The following ANO2 variants were observed in gnomAD, a reference collection of about 807,000 sequenced individuals.
The protein encoded by ANO2 is anoctamin 2, also known as anoctamin-2.
In ANO2, 101 loss-of-function variants were observed where a neutral mutation model predicts 124.2. That is an observed-to-expected ratio of 0.81 (90% CI 0.69 to 0.96). The LOEUF (loss-of-function observed/expected upper bound fraction) is 0.96, where lower values mean the gene tolerates loss of function less well. Ranked by LOEUF, ANO2 falls within the 40% of genes least tolerant of loss-of-function variation. The pLI, the probability that ANO2 is intolerant of heterozygous loss-of-function variation, is 0.00. For missense variants in ANO2, 1,293 were observed against 1,274.5 expected, an observed-to-expected ratio of 1.01 and a Z score of -0.22; for synonymous variants, 486 against 482.5, an observed-to-expected ratio of 1.01 and a Z score of -0.09.
chr12:5,574,963 C>T (rs1213366351), intron 23 of ANO2, among the ~76,000 whole-genome samples: 1 of 152,108 alleles, frequency 6.6e-6, no homozygotes, highest in Non-Finnish European at 1.5e-5. Context: ...TTTATTAATC[C>T]CTTTACTGTG....
At chr12:5,595,370 T>C (rs1195441388) in intron 20 of ANO2, among the ~76,000 whole-genome samples, 1 of 151,874 alleles carries the variant, frequency 6.6e-6, no homozygotes, top group East Asian at 1.9e-4. Context: ...TCTACTGTTT[T>C]TTTTTCTTTT....
In ANO2 at chr12:5,646,844, G is replaced by T. The variant is rs375836006; in HGVS notation, c.1620+883C>A. On this transcript the variant is annotated intron_variant, in intron 15 of 24. Transcript: ENST00000682330. Reference sequence around the variant, plus strand: ...CCTTCACCTTTTAAATTTCTGAGACGAAAACACAATTCCTGTAGTTAACGG... The same window carrying T: ...CCTTCACCTTTTAAATTTCTGAGACTAAAACACAATTCCTGTAGTTAACGG... Among the ~76,000 whole-genome samples, 26 of 152,272 alleles carry T rather than the reference G, an allele frequency of 1.7e-4. No individual in the cohort carries two copies. In the East Asian group the frequency reaches 3.3e-3, roughly 19 times the overall value.
At chr12:5,772,241 A>C (rs572311477) in intron 10 of ANO2, among the ~76,000 whole-genome samples, 1 of 152,338 alleles carries the variant, frequency 6.6e-6, no homozygotes, top group African/African-American at 2.4e-5. Flanking sequence ...ACTGATGAAA[A>C]GTATCACATG....
chr12:5,938,180 T>C (rs776085997), intron 1 of ANO2, among the ~76,000 whole-genome samples: 20 of 152,178 alleles, frequency 1.3e-4, no homozygotes, highest in Non-Finnish European at 1.3e-4. Context: ...TTCCCCATAA[T>C]TTCCAGGCAT....
chr12:5,751,931 T>C (rs936565321), intron 10 of ANO2, among the ~76,000 whole-genome samples: 5 of 152,208 alleles, frequency 3.3e-5, no homozygotes. Context: ...TTTGGATCTA[T>C]GAGTTTGACG....
chr12:5,710,690 A>G (rs1476558349), intron 14 of ANO2, among the ~76,000 whole-genome samples: 2 of 152,222 alleles, frequency 1.3e-5, no homozygotes, highest in Non-Finnish European at 2.9e-5. Flanking sequence ...GGCCACATGA[A>G]TCATTTGGAG....
rs550286903 is a variant in ANO2, at chr12:5,816,384, G to C, written c.893-9016C>G. On this transcript the variant is annotated intron_variant, in intron 7 of 24. Coordinates refer to ENST00000682330, the MANE Select transcript of ANO2 (RefSeq NM_001364791.2). ...TCACCAAAGAGCTTAGAGGGCACTT[G>C]GTCTTCATGGGCAGAAGTCAACCCA... Among the ~76,000 whole-genome samples, 8 of 151,776 alleles carry C rather than the reference G, an allele frequency of 5.3e-5. No individual in the cohort carries two copies. The East Asian group carries it at 1.2e-3, about 22-fold the overall frequency.
Position 5,921,092 on chromosome 12 carries a change from T to G in ANO2, c.482A>C (p.Glu161Ala). 6.2e-7 allele frequency: 1 copy of G among 1,613,540 alleles called. No homozygotes were observed. The highest frequency in any genetic ancestry group is 8.5e-7 in the Non-Finnish European group (1 of 1,179,654). ...LEEERKEQREEFEHNLMEAGL... is the reference protein window; with the variant it reads ...LEEERKEQREAFEHNLMEAGL... The stretch of plus-strand genomic sequence containing the variant: ...AGCCTCCATCAGATTGTGCTCAAAT[T>G]CCTCCCGCTGCTCCTTCCTCTCCTC... The change falls in exon 3 of 25, where the codon GAA becomes GCA. Residue 161 changes from glutamate (E) to alanine (A), a missense_variant. Physicochemically the swap from Glu to Ala is moderately radical, Grantham distance 107. Transcript: ENST00000682330.
intron 20 of ANO2, among the ~76,000 whole-genome samples, chr12:5,583,107 T>C (rs1312401133): frequency 1.3e-5 from 2 of 152,206 alleles, no homozygotes; most frequent in African/African-American, 4.8e-5. Context: ...TCAAAGATTA[T>C]CTGTTTCATA....
intron 7 of ANO2, among the ~76,000 whole-genome samples, chr12:5,821,699 G>C (rs1319544524): frequency 2.6e-5 from 4 of 152,212 alleles, no homozygotes; most frequent in African/African-American, 9.6e-5. Context: ...GATGGAAACT[G>C]AACGTTTGAC....
intron 20 of ANO2, among the ~76,000 whole-genome samples, chr12:5,590,957 C>T (rs1004329720): frequency 1.1e-4 from 17 of 152,102 alleles, no homozygotes; most frequent in South Asian, 2.1e-4. Context: ...GAGGCCAAGT[C>T]GGGCAGATCA....
intron 14 of ANO2, among the ~76,000 whole-genome samples, chr12:5,656,596 A>G (rs1025906915): frequency 6.6e-6 from 1 of 152,092 alleles, no homozygotes; most frequent in African/African-American, 2.4e-5. Context: ...CACTGTACCT[A>G]TTGATTTTCT....
intron 10 of ANO2, among the ~76,000 whole-genome samples, chr12:5,788,382 T>C (rs1009894533): frequency 2.0e-5 from 3 of 152,204 alleles, no homozygotes; most frequent in Non-Finnish European, 1.5e-5. Context: ...TTAATAGCTC[T>C]CACTTTCACT....
chr12:5,629,850 C>T (rs1945616538), intron 16 of ANO2, among the ~76,000 whole-genome samples: 1 of 152,324 alleles, frequency 6.6e-6, no homozygotes, highest in African/African-American at 2.4e-5. Context: ...TCCCACCACC[C>T]CAGGGTTCAG....
At position 5,658,873 on chromosome 12, in the gene ANO2, T is replaced by A. The variant is rs55798867; in HGVS notation, c.1546-11072A>T. 2.0e-5 allele frequency among the ~76,000 whole-genome samples: 3 copies of A among 152,128 alleles called. No homozygotes were observed. Among genetic ancestry groups the A allele is most frequent in the South Asian group, 4.1e-4 (2 of 4,826 alleles). On this transcript the variant is annotated intron_variant, in intron 14 of 24. Transcript: ENST00000682330. The surrounding 1 kb of genome is among the most constrained non-coding windows in gnomAD (Gnocchi z 4.3). ...CTTGTCATCAATATCATCATCATCA[T>A]CAACATCATTATCATCATTAAAATC...
chr12:5,617,483 G>A (rs768847280), intron 16 of ANO2, among the ~76,000 whole-genome samples: 29 of 146,040 alleles, frequency 2.0e-4, no homozygotes, highest in Non-Finnish European at 3.0e-4. Flanking sequence ...AGATTACGTC[G>A]TACCGCACTC....
intron 19 of ANO2, among the ~76,000 whole-genome samples, chr12:5,607,585 C>G (rs944018402): frequency 1.3e-5 from 2 of 152,086 alleles, no homozygotes; most frequent in Admixed American, 6.5e-5. Context: ...TGTTAAGAAC[C>G]GGGCCACACA....
At position 5,832,557 on chromosome 12, in the gene ANO2, G is replaced by T. The variant is rs1004961555; in HGVS notation, c.680C>A (p.Ala227Glu). ...AGGSIAKKFS[A>E]ALQKLSSHLQ... ...GTGCGAGCTCAGCTTCTGCAGAGCC[G>T]CGCTGAACTTCTTTGCAATGCTGCC... Residue 227 changes from alanine to glutamate, a missense_variant, in exon 5 of 25, where the codon GCG (alanine) becomes GAG (glutamate). Coordinates refer to ENST00000682330, the MANE Select transcript of ANO2 (RefSeq NM_001364791.2). The T allele has an allele frequency of 1.2e-5, 19 of 1,613,778 alleles. No individual in the cohort carries two copies. In the Admixed American group the frequency reaches 2.8e-4, roughly 24 times the overall value.
chr12:5,752,308 G>A (rs975471635), intron 10 of ANO2, among the ~76,000 whole-genome samples: 3 of 152,182 alleles, frequency 2.0e-5, no homozygotes, highest in Non-Finnish European at 4.4e-5. Flanking sequence ...GTTTTCCACA[G>A]TGACCGCATT....
Sources: allele counts gnomAD v4.1 joint callset (sites outside exome capture counted in the v4.1 genomes callset), GRCh38; gene constraint gnomAD v4.1.1; non-coding constraint Gnocchi (gnomAD v3.1); transcripts MANE v1.5; gene names NCBI Gene and HGNC (gene_info 2026-07-23, HGNC 2026-07-21).